CEP192: variants seen among roughly 807,000 people sequenced by gnomAD.
The protein encoded by CEP192 is centrosomal protein of 192 kDa.
A neutral mutation model predicts 271.8 loss-of-function variants in CEP192; 151 were observed. That is an observed-to-expected ratio of 0.56 (90% CI 0.49 to 0.64). The LOEUF is 0.64. CEP192 is among the 30% of genes least tolerant of loss of function. The probability of loss-of-function intolerance (pLI) is 0.00; values close to 1 mark genes in which losing one functional copy is unlikely to be tolerated. For synonymous variants in CEP192, 995 were observed against 1,076.5 expected (o/e 0.92, Z 1.48); for missense variants, 2,910 against 3,020.5 (o/e 0.96, Z 0.86).
At chr18:13,046,862 A>G (rs2036512034) in intron 15 of CEP192, among the ~76,000 whole-genome samples, 1 of 128,180 alleles carries the variant, frequency 7.8e-6, no homozygotes, top group Non-Finnish European at 1.6e-5. Flanking sequence ...GGGACTGCTG[A>G]TAATGAATTT....
At position 13,049,480 on chromosome 18, in the gene CEP192, G is replaced by A. The variant is rs1363445871; in HGVS notation, c.2689G>A (p.Ala897Thr). Residue 897 changes from alanine (A) to threonine (T), a missense_variant, in exon 16 of 45, where the codon GCT (alanine) becomes ACT (threonine). By Grantham distance (58) the Ala-to-Thr change is moderately conservative. Coordinates refer to ENST00000506447, the MANE Select transcript of CEP192 (RefSeq NM_032142.4). Reference sequence around the variant, plus strand: ...ACAAGATGTTGGTAACGATGAAAAAGCTACCTCAATTTCCACTCCATCTGA... The same window carrying A: ...ACAAGATGTTGGTAACGATGAAAAAACTACCTCAATTTCCACTCCATCTGA... ...KLQDVGNDEK[A>T]TSISTPSDSY... 6 of 1,614,064 alleles carry A rather than the reference G, an allele frequency of 3.7e-6. No individual in the cohort carries two copies. Among genetic ancestry groups the A allele is most frequent in the Non-Finnish European group, 5.1e-6 (6 of 1,180,006 alleles).
At chr18:13,020,394 G>A (rs982673201) in intron 9 of CEP192, among the ~76,000 whole-genome samples, 1 of 152,068 alleles carries the variant, frequency 6.6e-6, no homozygotes, top group Non-Finnish European at 1.5e-5. Flanking sequence ...TGTTCATGTC[G>A]TAGCATATAT....
intron 30 of CEP192, among the ~76,000 whole-genome samples, chr18:13,073,539 A>C (rs1476921606): frequency 3.9e-5 from 6 of 152,208 alleles, no homozygotes; most frequent in Non-Finnish European, 8.8e-5. Context: ...TTATCAGCAA[A>C]AATACTGTCT....
At chr18:13,107,060 A>G (rs1170854008) in intron 40 of CEP192, among the ~76,000 whole-genome samples, 1 of 152,246 alleles carries the variant, frequency 6.6e-6, no homozygotes, top group Non-Finnish European at 1.5e-5. Context: ...TCTGCCATGT[A>G]ACAGATGTTA....
Position 13,020,312 on chromosome 18 carries a change from T to C in CEP192, c.1050+1106T>C, listed in dbSNP as rs187885723. On this transcript the variant is annotated intron_variant, in intron 9 of 44. Transcript: ENST00000506447. ...AATTTGCCCACTCTGGGTAACCTCA[T>C]ATAAGTGAAATCATACAATATTTGG... 2.0e-3 allele frequency among the ~76,000 whole-genome samples: 301 copies of C among 152,346 alleles called. 1 individual carries two copies. The highest frequency in any genetic ancestry group is 6.8e-3 in the African/African-American group (284 of 41,582).
At position 13,038,432 on chromosome 18, in the gene CEP192, A is replaced by G. The variant is rs16940057; in HGVS notation, c.1662A>G (p.Thr554=). Residue 554 remains threonine (T), a synonymous_variant, in exon 13 of 45, where the codon ACA becomes ACG. Transcript: ENST00000506447. ...VALGDTSWGA[T]INYSLLRKSR... is the part of the protein sequence containing the mutation. ...TGGGCGATACGTCCTGGGGAGCTAC[A>G]ATTAATTACAGTCTGTTGAGGAAAT... 65,671 of 1,551,488 alleles carry G rather than the reference A, an allele frequency of 0.042. 2,125 individuals carry two copies. The highest frequency in any genetic ancestry group is 0.18 in the East Asian group (7,436 of 40,906).
Position 13,049,700 on chromosome 18 carries a change from G to A in CEP192, c.2890+19G>A, listed in dbSNP as rs1043690903. The A allele has an allele frequency of 2.2e-5, 36 of 1,601,744 alleles. No homozygotes were observed. The highest frequency in any genetic ancestry group is 3.0e-5 in the Non-Finnish European group (35 of 1,173,508). On this transcript the variant is annotated intron_variant, in intron 16 of 44. Transcript: ENST00000506447. Reference sequence around the variant, plus strand: ...AATAGTGGTAAGTGTCTGAGTCGTTGGTCACATTCATAAAATTACAAAGTT... The same window carrying A: ...AATAGTGGTAAGTGTCTGAGTCGTTAGTCACATTCATAAAATTACAAAGTT...
chr18:13,068,159 T>C lies in CEP192; in HGVS notation c.4680T>C (p.Ala1560=). 6.2e-7 allele frequency: 1 copy of C among 1,614,254 alleles called. No homozygotes were observed. Among genetic ancestry groups the C allele is most frequent in the South Asian group, 1.1e-5 (1 of 91,082 alleles). ...CCGTCCGAGCTCCTGTGGAAGTTGCTCCTTGCGCTGATGTGGTCACTCGGC... is the reference window on the plus strand; with the variant it reads ...CCGTCCGAGCTCCTGTGGAAGTTGCCCCTTGCGCTGATGTGGTCACTCGGC... The part of the protein sequence containing the change: ...KESVRAPVEV[A]PCADVVTRLA... Residue 1560 remains alanine (A), a synonymous_variant, in exon 23 of 45, where the codon GCT becomes GCC. Coordinates refer to ENST00000506447, the MANE Select transcript of CEP192 (RefSeq NM_032142.4).
intron 27 of CEP192, among the ~76,000 whole-genome samples, chr18:13,070,546 T>C (rs1027435060): frequency 7.9e-5 from 12 of 152,230 alleles, no homozygotes; most frequent in Non-Finnish European, 1.6e-4. Context: ...GAATATCAAC[T>C]TAGAGTCAGA....
At chr18:13,093,738 T>A (rs750827081) in intron 34 of CEP192, among the ~76,000 whole-genome samples, 19 of 152,256 alleles carry the variant, frequency 1.2e-4, no homozygotes, top group Non-Finnish European at 2.2e-4. Context: ...ACATAACTTA[T>A]GTGGTAATTT....
At chr18:13,034,203 T>C (rs1287056413) in intron 11 of CEP192, among the ~76,000 whole-genome samples, 1 of 151,954 alleles carries the variant, frequency 6.6e-6, no homozygotes, top group Non-Finnish European at 1.5e-5. Context: ...ACTAGTCTGG[T>C]TGGAAAGGAT....
At chr18:12,996,411 AT>A (rs143666215) in intron 1 of CEP192, among the ~76,000 whole-genome samples, 17,278 of 151,858 alleles carry the variant, frequency 0.11, 1,137 homozygotes, top group East Asian at 0.31. Context: ...TCTTGAGGGG[AT>A]GGGAATTAAT....
chr18:13,003,310 A>G (rs946095507), intron 3 of CEP192, among the ~76,000 whole-genome samples: 2 of 152,064 alleles, frequency 1.3e-5, no homozygotes, highest in African/African-American at 4.8e-5. Flanking sequence ...TTAGCCAAGC[A>G]TAATGGCATG....
At chr18:13,019,813 A>G (rs2034879704) in intron 9 of CEP192, among the ~76,000 whole-genome samples, 1 of 151,272 alleles carries the variant, frequency 6.6e-6, no homozygotes, top group South Asian at 2.1e-4. Flanking sequence ...AAAATTTACT[A>G]TCTTAATCTT....
chr18:13,001,374 C>T (rs925304049), intron 2 of CEP192, 83 bp from the exon 3 acceptor site: 15 of 928,996 alleles, frequency 1.6e-5, no homozygotes, highest in Non-Finnish European at 2.2e-5. Flanking sequence ...GTTGGTTTTA[C>T]TGTCACGCAG....
At chr18:13,018,666 AC>A in intron 8 of CEP192, 51 bp downstream of exon 8, 1 of 1,275,248 alleles carries the variant, frequency 7.8e-7, no homozygotes. Context: ...TTTTGACTTT[AC>A]TTTTTTTAAA....
chr18:13,119,870 G>A (rs2040587432), intron 44 of CEP192, among the ~76,000 whole-genome samples: 1 of 152,140 alleles, frequency 6.6e-6, no homozygotes, highest in African/African-American at 2.4e-5. Flanking sequence ...ATCCTCATCT[G>A]TAGTTTTGAT....
Position 13,056,279 on chromosome 18 carries a change from G to A in CEP192, c.3689G>A (p.Ser1230Asn). The change falls in exon 19 of 45, where the codon AGC (serine) becomes AAC (asparagine). Residue 1230 changes from serine (S) to asparagine (N), a missense_variant. By Grantham distance (46) the Ser-to-Asn change is conservative. Coordinates refer to ENST00000506447, the MANE Select transcript of CEP192 (RefSeq NM_032142.4). ...TSENQCTPIP[S>N]STVHSSVADM... is the part of the protein sequence containing the mutation. ...GAAAACCAGTGTACTCCTATTCCCA[G>A]CAGCACAGTTCACAGCTCTGTGGCT... 1 of 1,613,978 alleles carries A rather than the reference G, an allele frequency of 6.2e-7. No individual in the cohort carries two copies. The highest frequency in any genetic ancestry group is 1.3e-5 in the African/African-American group (1 of 75,068).
Position 13,021,256 on chromosome 18 carries a change from C to T in CEP192, c.1050+2050C>T, listed in dbSNP as rs554784734. ...AAAAAGAAAAAAGGGAAAAAGAAAA[C>T]GATTGTTGATTTGTTTCGAGTTTAT... is the stretch of plus-strand genomic sequence containing the variant. On this transcript the variant is annotated intron_variant, in intron 9 of 44. Coordinates refer to ENST00000506447, the MANE Select transcript of CEP192 (RefSeq NM_032142.4). Among the ~76,000 whole-genome samples, 8 of 152,178 alleles carry T rather than the reference C, an allele frequency of 5.3e-5. No individual in the cohort carries two copies. In the South Asian group the frequency reaches 1.7e-3, roughly 32 times the overall value.
Sources: gnomAD v4.1 joint callset for allele counts (sites outside exome capture counted in the v4.1 genomes callset) on GRCh38, gnomAD v4.1.1 for gene constraint, MANE v1.5 for transcripts, NCBI Gene and HGNC (gene_info 2026-07-23, HGNC 2026-07-21) for gene names.